Variants in PTPRT observed in about 807,000 individuals in gnomAD.
PTPRT encodes protein tyrosine phosphatase receptor type T, also known as receptor-type tyrosine-protein phosphatase T.
A neutral mutation model predicts 176.8 loss-of-function variants in PTPRT; 56 were observed. The ratio of observed to expected loss-of-function variants is 0.32; its 90% confidence interval spans 0.26 to 0.40. The LOEUF is 0.40. Among genes scored for constraint, PTPRT ranks in the 10% least tolerant of loss-of-function variants. PTPRT has a pLI of 1.00. For synonymous variants in PTPRT, 783 were observed against 739.0 expected, an observed-to-expected ratio of 1.06 and a Z score of -0.96; for missense variants, 1,540 against 1,908.2, an observed-to-expected ratio of 0.81 and a Z score of 3.60.
chr20:42,994,112 A>G (rs1984100112), intron 1 of PTPRT, among the ~76,000 whole-genome samples: 1 of 152,184 alleles, frequency 6.6e-6, no homozygotes, highest in Non-Finnish European at 1.5e-5. Context: ...TCTGCTATGT[A>G]TTTATCCACT....
intron 1 of PTPRT, among the ~76,000 whole-genome samples, chr20:43,001,213 A>G (rs1335758749): frequency 6.6e-6 from 1 of 152,212 alleles, no homozygotes; most frequent in Admixed American, 6.5e-5. Context: ...TCATGAATGC[A>G]CTATTGCTGA....
intron 7 of PTPRT, among the ~76,000 whole-genome samples, chr20:42,578,223 C>T (rs1026718253): frequency 1.3e-5 from 2 of 152,104 alleles, no homozygotes; most frequent in Admixed American, 6.5e-5. Flanking sequence ...TTTCTGGAAG[C>T]ACACTAACCA....
chr20:42,970,464 G>A (rs1221407912), intron 1 of PTPRT, among the ~76,000 whole-genome samples: 1 of 152,168 alleles, frequency 6.6e-6, no homozygotes, highest in Non-Finnish European at 1.5e-5. Flanking sequence ...TAGACAGGTT[G>A]TGCTGAAATC....
chr20:42,958,275 G>A (rs866519225), intron 1 of PTPRT, among the ~76,000 whole-genome samples: 12 of 68,710 alleles, frequency 1.7e-4, no homozygotes, highest in African/African-American at 7.7e-4. Context: ...AAGGGTGAGA[G>A]GAGAGGAGGG....
At chr20:42,084,932 T>C (rs1983729576) in intron 28 of PTPRT, 87 bp from the exon 29 acceptor site, 2 of 1,202,960 alleles carry the variant, frequency 1.7e-6, no homozygotes, top group South Asian at 6.6e-5. Context: ...TGCAGCATCA[T>C]GGTGGAAGAC....
intron 8 of PTPRT, among the ~76,000 whole-genome samples, chr20:42,463,049 G>A (rs926551397): frequency 6.6e-6 from 1 of 152,018 alleles, no homozygotes; most frequent in East Asian, 1.9e-4. Context: ...GGCTGTCATC[G>A]CATCTTTAAG....
intron 12 of PTPRT, among the ~76,000 whole-genome samples, chr20:42,310,091 T>C (rs924171757): frequency 2.6e-5 from 4 of 152,112 alleles, no homozygotes; most frequent in Non-Finnish European, 5.9e-5. Context: ...AAATGCACCC[T>C]GAATTAAGAC....
intron 9 of PTPRT, among the ~76,000 whole-genome samples, chr20:42,411,286 A>C (rs1247866327): frequency 6.6e-6 from 1 of 152,006 alleles, no homozygotes; most frequent in African/African-American, 2.4e-5. Context: ...CTCTACTGAA[A>C]ATATGAAAAT....
chr20:43,147,814 G>A (rs2014215634), intron 1 of PTPRT, among the ~76,000 whole-genome samples: 1 of 152,084 alleles, frequency 6.6e-6, no homozygotes, highest in East Asian at 1.9e-4. Context: ...ACCTCTCTTT[G>A]CAGACAGACT....
At chr20:42,938,388 A>G (rs1980333250) in intron 1 of PTPRT, among the ~76,000 whole-genome samples, 1 of 152,198 alleles carries the variant, frequency 6.6e-6, no homozygotes, top group Non-Finnish European at 1.5e-5. Context: ...TAGCATAGCT[A>G]GGGTCTGCAC....
intron 7 of PTPRT, among the ~76,000 whole-genome samples, chr20:42,566,899 G>C (rs1422114666): frequency 6.6e-6 from 1 of 152,172 alleles, no homozygotes; most frequent in Non-Finnish European, 1.5e-5. Flanking sequence ...ACTGAATAAA[G>C]AGTAGATGGG....
chr20:42,648,817 GTTGT>G (rs1273028292), intron 7 of PTPRT, among the ~76,000 whole-genome samples: 2 of 109,896 alleles, frequency 1.8e-5, no homozygotes, highest in Non-Finnish European at 3.4e-5. Context: ...TTTTGGTGTC[GTTGT>G]TTTTTTTTTT....
intron 2 of PTPRT, among the ~76,000 whole-genome samples, chr20:42,814,684 G>C (rs1420520342): frequency 6.6e-6 from 1 of 152,158 alleles, no homozygotes; most frequent in Non-Finnish European, 1.5e-5. Context: ...CAGGAGGTGG[G>C]TGACACAAGA....
At chr20:42,081,577 C>T (rs1983332951) in intron 30 of PTPRT, among the ~76,000 whole-genome samples, 1 of 152,228 alleles carries the variant, frequency 6.6e-6, no homozygotes, top group East Asian at 1.9e-4. Flanking sequence ...ACATACTTCA[C>T]ATTCTACTAA....
In PTPRT at chr20:42,971,103, C is replaced by G. The variant is rs371954208; in HGVS notation, c.89-85171G>C. The G allele has an allele frequency of 5.3e-5, 8 of 152,354 alleles. No individual in the cohort carries two copies. In the South Asian group the frequency reaches 1.7e-3, roughly 32 times the overall value. 9.4% of individuals were successfully genotyped at this position (152,354 alleles called of 1,614,324 possible). On this transcript the variant is annotated intron_variant, in intron 1 of 30. Coordinates refer to ENST00000373187, the MANE Select transcript of PTPRT (RefSeq NM_007050.6). ...CCACAATCAACTACTACAAATTTCT[C>G]CTAATTAGTTTTAGTCTGCACTTCT...
chr20:42,934,946 C>T (rs911638249), intron 1 of PTPRT, among the ~76,000 whole-genome samples: 10 of 151,426 alleles, frequency 6.6e-5, no homozygotes, highest in African/African-American at 1.5e-4. Context: ...GGCATAGTGG[C>T]GGTGCCTGTA....
intron 9 of PTPRT, among the ~76,000 whole-genome samples, chr20:42,375,574 C>T (rs192122627): frequency 3.3e-5 from 5 of 152,310 alleles, no homozygotes; most frequent in African/African-American, 1.2e-4. Context: ...TGGATCCGGG[C>T]TTCCCAGCCT....
chr20:42,465,553 G>A (rs1288971319), intron 8 of PTPRT, among the ~76,000 whole-genome samples: 2 of 152,070 alleles, frequency 1.3e-5, no homozygotes, highest in Non-Finnish European at 2.9e-5. Context: ...AAAAACACAA[G>A]ATGCAAAGTA....
chr20:42,039,525 C>A, the PTPRT span, among the ~76,000 whole-genome samples: 1 of 151,868 alleles, frequency 6.6e-6, no homozygotes, highest in Non-Finnish European at 1.5e-5. Context: ...CCATTTTATT[C>A]CCTATTTCTA....
Sources: allele counts gnomAD v4.1 joint callset (sites outside exome capture counted in the v4.1 genomes callset), GRCh38; gene constraint gnomAD v4.1.1; transcripts MANE v1.5; gene names NCBI Gene and HGNC (gene_info 2026-07-23, HGNC 2026-07-21).